Variants in NUP210 observed in about 807,000 individuals in gnomAD.
NUP210 encodes the protein nucleoporin 210, also known as nuclear pore membrane glycoprotein 210.
Under a neutral mutation model 196.0 loss-of-function variants are expected in NUP210, and 151 were observed. The ratio of observed to expected loss-of-function variants is 0.77; its 90% CI spans 0.67 to 0.88. The LOEUF is 0.88. Ranked by LOEUF, NUP210 falls within the 40% of genes least tolerant of loss-of-function variation. The pLI is 0.00. For synonymous variants in NUP210, 1,070 were observed against 1,052.7 expected (o/e 1.02, Z -0.32); for missense variants, 2,314 against 2,493.7 (o/e 0.93, Z 1.53).
intron 1 of NUP210, among the ~76,000 whole-genome samples, chr3:13,404,741 G>A (rs754275887): frequency 9.8e-5 from 15 of 152,316 alleles, no homozygotes; most frequent in Non-Finnish European, 2.1e-4. Flanking sequence ...TCCAGGATGG[G>A]CCTTAGAAAA....
At chr3:13,394,304 C>T (rs1232630834) in intron 3 of NUP210, among the ~76,000 whole-genome samples, 4 of 152,164 alleles carry the variant, frequency 2.6e-5, no homozygotes, top group African/African-American at 7.2e-5. Flanking sequence ...GCAAGAGGCA[C>T]GGGTGGGCCA....
chr3:13,388,243 G>A, intron 5 of NUP210, 60 bp downstream of exon 5: 7 of 1,394,944 alleles, frequency 5.0e-6, no homozygotes, highest in Non-Finnish European at 6.8e-6. Flanking sequence ...CTATAAGCAG[G>A]TACCGTCAGC....
intron 3 of NUP210, among the ~76,000 whole-genome samples, chr3:13,395,418 A>G (rs1266810312): frequency 6.6e-6 from 1 of 152,180 alleles, no homozygotes; most frequent in Non-Finnish European, 1.5e-5. Context: ...CCTGGGCTCA[A>G]GCGATTCTCT....
Position 13,328,795 on chromosome 3 carries a change from G to T in NUP210, c.4262C>A (p.Ser1421Ter). ...NSGDVFHAHS[S>*]VLNFATNRDD... ...CCTGTTAGTGGCAAAGTTGAGGACCGAACTGTGAGCATGGAAGACATCTCC... is the reference window on the plus strand; with the variant it reads ...CCTGTTAGTGGCAAAGTTGAGGACCTAACTGTGAGCATGGAAGACATCTCC... Residue 1421 changes from serine (S) to a stop codon, truncating the protein, a stop_gained, in exon 31 of 40, where the codon TCG (serine) becomes TAG (stop). Transcript: ENST00000254508. LOFTEE classifies it high-confidence loss of function. 2 of 1,614,126 alleles carry T rather than the reference G, an allele frequency of 1.2e-6. No homozygotes were observed. Among genetic ancestry groups the T allele is most frequent in the South Asian group, 1.1e-5 (1 of 91,076 alleles).
At chr3:13,338,127 C>A (rs570185343) in intron 25 of NUP210, among the ~76,000 whole-genome samples, 31 of 152,308 alleles carry the variant, frequency 2.0e-4, no homozygotes, top group Admixed American at 1.3e-3. Flanking sequence ...CTCCCAAGGC[C>A]CCGCAGGTCC....
rs560663006 is a variant in NUP210 at position 13,325,152 on chromosome 3, G to A, written c.4644+643C>T. 2.3e-3 allele frequency among the ~76,000 whole-genome samples: 345 copies of A among 152,214 alleles called. 2 individuals are homozygous for A. Among genetic ancestry groups the A allele is most frequent in the African/African-American group, 7.4e-3 (307 of 41,512 alleles). On this transcript the variant is annotated intron_variant, in intron 33 of 39. Coordinates refer to ENST00000254508, the MANE Select transcript of NUP210 (RefSeq NM_024923.4). ...TTCCAGCCCCCGAGGCTCTGCCCTT[G>A]AACCCTACACACCTTTGTCCATGCC...
At chr3:13,372,628 G>A (rs780298721) in intron 12 of NUP210, among the ~76,000 whole-genome samples, 9 of 152,282 alleles carry the variant, frequency 5.9e-5, no homozygotes, top group African/African-American at 1.2e-4. Context: ...CTGGTAGAGC[G>A]GCTGGAGCCA....
At chr3:13,330,909 G>T (rs960624507) in intron 29 of NUP210, among the ~76,000 whole-genome samples, 1 of 152,218 alleles carries the variant, frequency 6.6e-6, no homozygotes, top group Non-Finnish European at 1.5e-5. Context: ...CAGCCAGCAG[G>T]GAGGGAGAGA....
rs983841889 is a variant in NUP210, at chr3:13,393,792, C to T, written c.437-2485G>A. Among the ~76,000 whole-genome samples, 16 of 152,270 alleles carry T rather than the reference C, an allele frequency of 1.1e-4. No individual in the cohort carries two copies. In the East Asian group the frequency reaches 1.5e-3, roughly 15 times the overall value. On this transcript the variant is annotated intron_variant, in intron 3 of 39. Transcript: ENST00000254508. ...AGCTATCAGTACCTACTATGTGCAA[C>T]GGAGCCCTTGACCTTGAAGCCTCAC...
In NUP210 at chr3:13,377,466, T is replaced by C. The variant is rs370759251; in HGVS notation, c.1142A>G (p.Tyr381Cys). The C allele has an allele frequency of 1.9e-5, 30 of 1,612,134 alleles. No individual in the cohort carries two copies. The highest frequency in any genetic ancestry group is 2.3e-5 in the Non-Finnish European group (27 of 1,178,460). ...EVFDKFSNKV[Y>C]VSDNIRIETV... ...TGAACAGGCACTCACGTCAGATACA[T>C]AGACCTTGTTGCTGAACTTGTCAAA... Residue 381 changes from tyrosine to cysteine, a missense_variant, in exon 9 of 40, where the codon TAT (tyrosine) becomes TGT (cysteine). Coordinates refer to ENST00000254508, the MANE Select transcript of NUP210 (RefSeq NM_024923.4).
In NUP210 at chr3:13,347,621, A is replaced by G. The variant is rs1697797071; in HGVS notation, c.2835+4258T>C. On this transcript the variant is annotated intron_variant, in intron 20 of 39. Coordinates refer to ENST00000254508, the MANE Select transcript of NUP210 (RefSeq NM_024923.4). The surrounding 1 kb of genome is among the most constrained non-coding windows in gnomAD (Gnocchi z 4.7). ...CACTCCAAAGCCACACATTCCCGCA[A>G]GCCATCCTTCCGTGCTGAATATGTA... 6.6e-6 allele frequency among the ~76,000 whole-genome samples: 1 copy of G among 152,132 alleles called. No homozygotes were observed. Among genetic ancestry groups the G allele is most frequent in the Non-Finnish European group, 1.5e-5 (1 of 68,018 alleles).
intron 6 of NUP210, among the ~76,000 whole-genome samples, chr3:13,385,844 G>A (rs1699251978): frequency 6.6e-6 from 1 of 152,222 alleles, no homozygotes; most frequent in Non-Finnish European, 1.5e-5. Flanking sequence ...CCACACAATG[G>A]AGCACTATTC....
In NUP210 at chr3:13,322,196, G is replaced by C. The variant is rs1576339618; in HGVS notation, c.4912C>G (p.Leu1638Val). Reference protein sequence around the residue: ...FTVEPQFDTALGQYFCSITMH... With the variant: ...FTVEPQFDTAVGQYFCSITMH... ...ACTTTCAAATCCTCGCAATTACCGAGAGCAGTGTCAAACTGTGGCTCCACG... is the reference window on the plus strand; with the variant it reads ...ACTTTCAAATCCTCGCAATTACCGACAGCAGTGTCAAACTGTGGCTCCACG... Residue 1638 changes from leucine to valine, a missense_variant, in exon 35 of 40, where the codon CTC (leucine) becomes GTC (valine). Transcript: ENST00000254508. 1 of 1,614,198 alleles carries C rather than the reference G, an allele frequency of 6.2e-7. No homozygotes were observed. The highest frequency in any genetic ancestry group is 1.7e-5 in the Admixed American group (1 of 60,034).
chr3:13,360,611 C>A, intron 14 of NUP210, 120 bp from the exon 15 acceptor site: 1 of 686,384 alleles, frequency 1.5e-6, no homozygotes. Context: ...CAAGCCCCAT[C>A]TCCTGTTTGA....
chr3:13,414,281 G>A (rs903100482), intron 1 of NUP210, among the ~76,000 whole-genome samples: 7 of 152,262 alleles, frequency 4.6e-5, no homozygotes, highest in African/African-American at 1.7e-4. Context: ...GCCACCTCGT[G>A]GGGCTGACAG....
rs541666378 is a variant in NUP210 at position 13,343,879 on chromosome 3, C to T, written c.2836-576G>A. Among the ~76,000 whole-genome samples the T allele has an allele frequency of 7.9e-5, 12 of 152,300 alleles. No homozygotes were observed. In the East Asian group the frequency reaches 9.6e-4, roughly 12 times the overall value. On this transcript the variant is annotated intron_variant, in intron 20 of 39. Transcript: ENST00000254508. ...GGAACCACAGAGCCTGGGAGTGACC[C>T]GCAAGGCCACCCCAGTGTGAGCTAT...
intron 1 of NUP210, among the ~76,000 whole-genome samples, chr3:13,401,079 G>A (rs1240166754): frequency 6.6e-6 from 1 of 151,950 alleles, no homozygotes; most frequent in Admixed American, 6.6e-5. Flanking sequence ...CCAAGTTGGT[G>A]AAACCCTGTA....
At position 13,371,960 on chromosome 3, in the gene NUP210, C is replaced by A; in HGVS notation, c.1660G>T (p.Glu554Ter). 6.2e-7 allele frequency: 1 copy of A among 1,604,192 alleles called. No homozygotes were observed. Among genetic ancestry groups the A allele is most frequent in the South Asian group, 1.1e-5 (1 of 89,250 alleles). Residue 554 changes from glutamate to a stop codon, truncating the protein, a stop_gained, in exon 13 of 40, where the codon GAG becomes TAG. Coordinates refer to ENST00000254508, the MANE Select transcript of NUP210 (RefSeq NM_024923.4). LOFTEE classifies it high-confidence loss of function. ...QVEARVGQAL[E>*]LPLRISGLMP... is the part of the protein sequence containing the mutation. ...AGGCCACTGATCCTCAGGGGCAGCT[C>A]CAGGGCCTGGCCCACACGTGCCTCC...
At chr3:13,367,110 G>A (rs1020571671) in intron 13 of NUP210, among the ~76,000 whole-genome samples, 1 of 150,774 alleles carries the variant, frequency 6.6e-6, no homozygotes, top group African/African-American at 2.4e-5. Flanking sequence ...TGGGCAATAA[G>A]AGTGAAACTC....
Sources: gnomAD v4.1 joint callset for allele counts (sites outside exome capture counted in the v4.1 genomes callset) on GRCh38, gnomAD v4.1.1 for gene constraint, Gnocchi (gnomAD v3.1) non-coding constraint, MANE v1.5 for transcripts, NCBI Gene and HGNC (gene_info 2026-07-23, HGNC 2026-07-21) for gene names.